Variants in BNC2 observed in about 807,000 individuals in gnomAD.
The protein encoded by BNC2 is basonuclin zinc finger protein 2, also known as zinc finger protein basonuclin-2.
A neutral mutation model predicts 76.3 loss-of-function variants in BNC2; 20 were observed. That is an observed-to-expected ratio of 0.26 (90% CI 0.18 to 0.38). BNC2 has a LOEUF of 0.38. BNC2 is among the 10% of genes least tolerant of loss of function. The probability of loss-of-function intolerance (pLI) is 1.00; values close to 1 mark genes in which losing one functional copy is unlikely to be tolerated. For synonymous variants in BNC2, 582 were observed against 514.8 expected (o/e 1.13, Z -1.77); for missense variants, 1,382 against 1,399.8 (o/e 0.99, Z 0.20).
intron 1 of BNC2, among the ~76,000 whole-genome samples, chr9:16,816,205 A>C (rs1360631055): frequency 6.6e-6 from 1 of 152,144 alleles, no homozygotes; most frequent in African/African-American, 2.4e-5. Flanking sequence ...GGCCAAGTAA[A>C]GCAGAACACA....
At chr9:16,781,864 C>T (rs1309203995) in intron 1 of BNC2, among the ~76,000 whole-genome samples, 1 of 151,900 alleles carries the variant, frequency 6.6e-6, no homozygotes, top group Non-Finnish European at 1.5e-5. Flanking sequence ...ATATCAGTTA[C>T]AAAATAGCAT....
chr9:16,737,812 G>A (rs1172006921), intron 2 of BNC2, among the ~76,000 whole-genome samples: 1 of 152,084 alleles, frequency 6.6e-6, no homozygotes, highest in Non-Finnish European at 1.5e-5. Flanking sequence ...CATAGTGATT[G>A]GCTTTGATGG....
At chr9:16,782,095 G>C (rs2135559534) in intron 1 of BNC2, among the ~76,000 whole-genome samples, 1 of 152,048 alleles carries the variant, frequency 6.6e-6, no homozygotes, top group East Asian at 1.9e-4. Context: ...GACCAGCCTG[G>C]CCAACATGAG....
chr9:16,451,724 T>G (rs1165702750), intron 5 of BNC2, among the ~76,000 whole-genome samples: 1 of 152,200 alleles, frequency 6.6e-6, no homozygotes, highest in Non-Finnish European at 1.5e-5. Context: ...TCCTTCCACC[T>G]TCCCACTCCC....
chr9:16,753,573 C>A (rs1351440681), intron 1 of BNC2, among the ~76,000 whole-genome samples: 2 of 152,134 alleles, frequency 1.3e-5, no homozygotes, highest in African/African-American at 4.8e-5. Flanking sequence ...AATTGTATGG[C>A]AAGGGGTAAA....
chr9:16,638,262 T>C (rs1399671297), intron 3 of BNC2, among the ~76,000 whole-genome samples: 1 of 152,164 alleles, frequency 6.6e-6, no homozygotes, highest in Non-Finnish European at 1.5e-5. Context: ...ACCAAGTGCA[T>C]AGACATAAAA....
At chr9:16,593,850 C>G (rs1819997812) in intron 3 of BNC2, among the ~76,000 whole-genome samples, 1 of 151,998 alleles carries the variant, frequency 6.6e-6, no homozygotes, top group Non-Finnish European at 1.5e-5. Flanking sequence ...TTAACTCAGT[C>G]TATATTTACC....
intron 1 of BNC2, among the ~76,000 whole-genome samples, chr9:16,758,914 T>A (rs199870817): frequency 6.6e-6 from 1 of 151,620 alleles, no homozygotes; most frequent in African/African-American, 2.4e-5. Flanking sequence ...ATCAACCTTT[T>A]AAAAATATTG....
chr9:16,836,351 C>G (rs1818705993), intron 1 of BNC2, among the ~76,000 whole-genome samples: 1 of 151,910 alleles, frequency 6.6e-6, no homozygotes, highest in Admixed American at 6.6e-5. Flanking sequence ...TAGCTGGAGT[C>G]AAACGAATGC....
chr9:16,469,317 A>C (rs1409559645), intron 5 of BNC2, among the ~76,000 whole-genome samples: 1 of 152,156 alleles, frequency 6.6e-6, no homozygotes, highest in African/African-American at 2.4e-5. Flanking sequence ...GGGGGAGGTA[A>C]CTGAATCATG....
chr9:16,864,467 G>C (rs1819490539), intron 1 of BNC2, among the ~76,000 whole-genome samples: 1 of 152,188 alleles, frequency 6.6e-6, no homozygotes, highest in African/African-American at 2.4e-5. Flanking sequence ...AATGAAGTTT[G>C]GATGAAAACA....
At chr9:16,485,283 A>G (rs1265781411) in intron 5 of BNC2, among the ~76,000 whole-genome samples, 6 of 152,220 alleles carry the variant, frequency 3.9e-5, no homozygotes, top group Non-Finnish European at 7.3e-5. Context: ...ACAGTTGGGT[A>G]CATGAGACTT....
At chr9:16,709,445 A>G (rs1365192406) in intron 3 of BNC2, among the ~76,000 whole-genome samples, 1 of 152,200 alleles carries the variant, frequency 6.6e-6, no homozygotes, top group African/African-American at 2.4e-5. Flanking sequence ...TACACTTGCA[A>G]TGCCACCACA....
chr9:16,788,412 G>C (rs1441020222), intron 1 of BNC2, among the ~76,000 whole-genome samples: 1 of 152,024 alleles, frequency 6.6e-6, no homozygotes, highest in Non-Finnish European at 1.5e-5. Context: ...AATTAGCCGG[G>C]CGTGGTGGTA....
Position 16,471,079 on chromosome 9 carries a change from G to A in BNC2, c.670-33555C>T, listed in dbSNP as rs1470334828. ...AGGGCGGAGCTGCCCAAGACCATGG[G>A]AACCCACCTCTTACATCAGCGTGAT... On this transcript the variant is annotated intron_variant, in intron 5 of 6. Coordinates refer to ENST00000380672, the MANE Select transcript of BNC2 (RefSeq NM_017637.6). Among the ~76,000 whole-genome samples, 6 of 152,262 alleles carry A rather than the reference G, an allele frequency of 3.9e-5. No homozygotes were observed. In the East Asian group the frequency reaches 1.2e-3, roughly 29 times the overall value.
At position 16,435,840 on chromosome 9, in the gene BNC2, A is replaced by G. The variant is rs367993561; in HGVS notation, c.2354T>C (p.Met785Thr). 34 of 1,613,852 alleles carry G rather than the reference A, an allele frequency of 2.1e-5. No individual in the cohort carries two copies. Among genetic ancestry groups the G allele is most frequent in the Non-Finnish European group, 2.8e-5 (33 of 1,179,872 alleles). ...KEEFTDPTYD[M>T]FYMSQYGLYN... ...CAGTCCATACTGGCTCATGTAAAAC[A>G]TGTCGTAAGTGGGGTCTGTAAATTC... Residue 785 changes from methionine to threonine, a missense_variant, in exon 6 of 7, where the codon ATG becomes ACG. By Grantham distance (81) the Met-to-Thr change is moderately conservative. Coordinates refer to ENST00000380672, the MANE Select transcript of BNC2 (RefSeq NM_017637.6).
chr9:16,469,098 A>G (rs913875405), intron 5 of BNC2, among the ~76,000 whole-genome samples: 1 of 152,216 alleles, frequency 6.6e-6, no homozygotes, highest in African/African-American at 2.4e-5. Flanking sequence ...TTATATTTTA[A>G]ACACTGCTAA....
At chr9:16,803,142 G>A (rs1304532576) in intron 1 of BNC2, among the ~76,000 whole-genome samples, 1 of 152,166 alleles carries the variant, frequency 6.6e-6, no homozygotes, top group East Asian at 1.9e-4. Flanking sequence ...ATGAACACCA[G>A]CTCTAGATGT....
intron 5 of BNC2, among the ~76,000 whole-genome samples, chr9:16,507,059 T>C (rs1163288876): frequency 6.6e-6 from 1 of 152,028 alleles, no homozygotes; most frequent in Non-Finnish European, 1.5e-5. Flanking sequence ...CAGCCTACAC[T>C]TCTCTATAAG....
Sources: gnomAD v4.1 joint callset for allele counts (sites outside exome capture counted in the v4.1 genomes callset) on GRCh38, gnomAD v4.1.1 for gene constraint, MANE v1.5 for transcripts, NCBI Gene and HGNC (gene_info 2026-07-23, HGNC 2026-07-21) for gene names.